STC1: variants seen among roughly 807,000 people sequenced by gnomAD.
The protein encoded by STC1 is stanniocalcin 1.
STC1 carries 7 observed loss-of-function variants against 22.6 expected under a neutral mutation model. That is an observed-to-expected ratio of 0.31 (90% confidence interval 0.18 to 0.58). The LOEUF (loss-of-function observed/expected upper bound fraction) is 0.58, where lower values mean the gene tolerates loss of function less well. Among genes scored for constraint, STC1 ranks in the 20% least tolerant of loss-of-function variants. The pLI is 0.89. For synonymous variants in STC1, 113 were observed against 120.7 expected, an observed-to-expected ratio of 0.94 and a Z score of 0.42; for missense variants, 224 against 311.0, an observed-to-expected ratio of 0.72 and a Z score of 2.10.
In STC1 at chr8:23,854,375, G is replaced by A. The variant is rs149566064; in HGVS notation, c.118+31C>T. On this transcript the variant is annotated intron_variant, in intron 1 of 3. Transcript: ENST00000290271. ...GAGGCAAATGAGGACAGCTCTTTGGGGGAGAAACCGCTCTTGGGTTTGCTG... is the reference window on the plus strand; with the variant it reads ...GAGGCAAATGAGGACAGCTCTTTGGAGGAGAAACCGCTCTTGGGTTTGCTG... The A allele has an allele frequency of 1.4e-3, 2,166 of 1,588,854 alleles. 6 individuals are homozygous for A. Among genetic ancestry groups the A allele is most frequent in the Non-Finnish European group, 1.6e-3 (1,885 of 1,157,088 alleles).
intron 1 of STC1, 117 bp downstream of exon 1, chr8:23,854,289 A>C (rs756229516): frequency 8.6e-5 from 90 of 1,045,824 alleles, no homozygotes; most frequent in Non-Finnish European, 1.2e-4. Context: ...GTTTATTGCC[A>C]TCAGGCATGA....
intron 3 of STC1, among the ~76,000 whole-genome samples, chr8:23,849,797 T>A (rs571710839): frequency 1.3e-5 from 2 of 151,148 alleles, no homozygotes; most frequent in South Asian, 4.3e-4. Flanking sequence ...CACAAACACA[T>A]ACTTTGTCCT....
In STC1 at chr8:23,843,138, G is replaced by C. The variant is rs956360738; in HGVS notation, c.*1632C>G. 6.6e-6 allele frequency: 1 copy of C among 152,440 alleles called. No homozygotes were observed. Among genetic ancestry groups the C allele is most frequent in the Non-Finnish European group, 1.5e-5 (1 of 68,108 alleles). 9.4% of individuals were successfully genotyped at this position (152,440 alleles called of 1,614,324 possible). ...TCTTCCTCTCTTGACATTGACCTTT[G>C]GTGGGCAGTGACGCTCATAAGGGAC... On this transcript the variant is annotated 3_prime_UTR_variant, in exon 4 of 4. Coordinates refer to ENST00000290271, the MANE Select transcript of STC1 (RefSeq NM_003155.3).
At position 23,843,882 on chromosome 8, in the gene STC1, T is replaced by C. The variant is rs1420929019; in HGVS notation, c.*888A>G. The C allele has an allele frequency of 2.0e-5, 3 of 152,652 alleles. No homozygotes were observed. Among genetic ancestry groups the C allele is most frequent in the African/African-American group, 4.8e-5 (2 of 41,452 alleles). 9.5% of individuals were successfully genotyped at this position (152,652 alleles called of 1,614,324 possible). The stretch of plus-strand genomic sequence containing the variant: ...GCCACAAGGAGCATTTATGTGGATA[T>C]CTGGAAGTGAGATAGTTATTCCATT... On this transcript the variant is annotated 3_prime_UTR_variant, in exon 4 of 4. Transcript: ENST00000290271.
At chr8:23,849,962 G>C (rs1802617473) in intron 3 of STC1, among the ~76,000 whole-genome samples, 1 of 131,422 alleles carries the variant, frequency 7.6e-6, no homozygotes, top group Non-Finnish European at 1.6e-5. Flanking sequence ...GAGTTATATA[G>C]AGACAGCCCA....
Position 23,850,894 on chromosome 8 carries a change from T to C in STC1, c.473+426A>G, listed in dbSNP as rs181368693. On this transcript the variant is annotated intron_variant, in intron 3 of 3. Transcript: ENST00000290271. ...AGATGGAGACTTAAAATCTGCATTA[T>C]GACATTTAACCAGAGGGCTTTTTTT... Among the ~76,000 whole-genome samples, 228 of 149,230 alleles carry C rather than the reference T, an allele frequency of 1.5e-3. 1 individual carries two copies. The highest frequency in any genetic ancestry group is 5.2e-3 in the African/African-American group (208 of 40,208).
chr8:23,848,434 A>T (rs1300801367), intron 3 of STC1, among the ~76,000 whole-genome samples: 2 of 145,126 alleles, frequency 1.4e-5, no homozygotes, highest in Non-Finnish European at 3.0e-5. Context: ...CTGGAGGCTG[A>T]GGCAGGAGAA....
At chr8:23,850,327 C>A (rs1384742751) in intron 3 of STC1, among the ~76,000 whole-genome samples, 1 of 152,130 alleles carries the variant, frequency 6.6e-6, no homozygotes, top group South Asian at 2.1e-4. Context: ...ACATGCAAAG[C>A]ACTGATCATT....
chr8:23,854,168 G>A, intron 1 of STC1: 1 of 1,303,446 alleles, frequency 7.7e-7, no homozygotes, highest in African/African-American at 1.5e-5. Context: ...AATCAGGCTA[G>A]GCTTATGCAA....
chr8:23,848,356 A>C (rs962655264), intron 3 of STC1, among the ~76,000 whole-genome samples: 1 of 151,524 alleles, frequency 6.6e-6, no homozygotes, highest in African/African-American at 2.4e-5. Context: ...ACATGATGAA[A>C]CCCTGTCTCT....
At position 23,854,689 on chromosome 8, in the gene STC1, C is replaced by T. The variant is rs1585309312; in HGVS notation, c.-166G>A. 6 of 740,152 alleles carry T rather than the reference C, an allele frequency of 8.1e-6. No individual in the cohort carries two copies. Among genetic ancestry groups the T allele is most frequent in the Non-Finnish European group, 1.2e-5 (5 of 411,014 alleles). The allele number at this position is 740,152 out of a possible 1,614,324, so 45.8% of individuals were successfully genotyped here. On this transcript the variant is annotated 5_prime_UTR_variant, in exon 1 of 4. Coordinates refer to ENST00000290271, the MANE Select transcript of STC1 (RefSeq NM_003155.3). ...GTTGTTGTTGCTGGTGATGCTGCTG[C>T]TGCCACCGGTGCCTCCGCTGCTGCT...
rs115917450 is a variant in STC1 at position 23,846,478 on chromosome 8, C to T, written c.474-1438G>A. 1.4e-3 allele frequency among the ~76,000 whole-genome samples: 211 copies of T among 152,304 alleles called. 1 individual carries two copies. Among genetic ancestry groups the T allele is most frequent in the African/African-American group, 4.4e-3 (181 of 41,562 alleles). ...GGAGCCCAAGGATCTCTGGGGCCAC[C>T]AGGTCTTCCGTGAAAAGAAACCTGT... On this transcript the variant is annotated intron_variant, in intron 3 of 3. Coordinates refer to ENST00000290271, the MANE Select transcript of STC1 (RefSeq NM_003155.3).
intron 3 of STC1, 96 bp from the exon 4 acceptor site, chr8:23,845,136 T>G (rs1443472154): frequency 2.0e-5 from 26 of 1,296,772 alleles, no homozygotes; most frequent in Non-Finnish European, 2.5e-5. Flanking sequence ...GAGTCCCTAA[T>G]GGCCTGACCA....
chr8:23,854,376 G>T lies in STC1; in HGVS notation c.118+30C>A, dbSNP rs1303885939. 4 of 1,592,126 alleles carry T rather than the reference G, an allele frequency of 2.5e-6. No individual in the cohort carries two copies. In the Admixed American group the frequency reaches 6.7e-5, roughly 27 times the overall value. ...AGGCAAATGAGGACAGCTCTTTGGG[G>T]GAGAAACCGCTCTTGGGTTTGCTGC... is the stretch of plus-strand genomic sequence containing the variant. On this transcript the variant is annotated intron_variant, in intron 1 of 3. Coordinates refer to ENST00000290271, the MANE Select transcript of STC1 (RefSeq NM_003155.3).
At chr8:23,850,098 G>T (rs1473818945) in intron 3 of STC1, among the ~76,000 whole-genome samples, 9 of 152,184 alleles carry the variant, frequency 5.9e-5, no homozygotes, top group African/African-American at 1.9e-4. Context: ...GCACTCACCT[G>T]TAGTTAAGGG....
chr8:23,849,499 G>T (rs1432941823), intron 3 of STC1, among the ~76,000 whole-genome samples: 1 of 152,070 alleles, frequency 6.6e-6, no homozygotes, highest in African/African-American at 2.4e-5. Flanking sequence ...TTTTCTAAAG[G>T]TGTTGAAAAT....
rs928712062 is a variant in STC1, at chr8:23,852,541, AAG to A, written c.119-159_119-158del. On this transcript the variant is annotated intron_variant, in intron 1 of 3. Transcript: ENST00000290271. ...AATTGATAGACCCATTTGATTGAGA[AAG>A]AGAGGATAGACAGGCTCCTTTTGTT... Among the ~76,000 whole-genome samples, 7 of 152,162 alleles carry A rather than the reference AAG, an allele frequency of 4.6e-5. No homozygotes were observed. The South Asian group carries it at 1.0e-3, about 23-fold the overall frequency.
At chr8:23,846,434 G>T (rs1326208550) in intron 3 of STC1, among the ~76,000 whole-genome samples, 2 of 152,158 alleles carry the variant, frequency 1.3e-5, no homozygotes, top group African/African-American at 4.8e-5. Flanking sequence ...TATTTACATG[G>T]AGAGAACTTT....
chr8:23,854,312 A>T, intron 1 of STC1, 94 bp downstream of exon 1: 1 of 1,190,030 alleles, frequency 8.4e-7, no homozygotes, highest in Non-Finnish European at 1.2e-6. Context: ...CACATTTATT[A>T]TCAAGATCAG....
Sources: gnomAD v4.1 joint callset for allele counts (sites outside exome capture counted in the v4.1 genomes callset) on GRCh38, gnomAD v4.1.1 for gene constraint, MANE v1.5 for transcripts, NCBI Gene and HGNC (gene_info 2026-07-23, HGNC 2026-07-21) for gene names.